The following ANKS1B variants were observed in gnomAD, a reference collection of about 807,000 sequenced individuals.
ANKS1B encodes ankyrin repeat and sterile alpha motif domain containing 1B, also known as ankyrin repeat and sterile alpha motif domain-containing protein 1B.
ANKS1B carries 36 observed loss-of-function variants against 148.3 expected under a neutral mutation model. That is an observed-to-expected ratio of 0.24 (90% confidence interval 0.19 to 0.32). The LOEUF (loss-of-function observed/expected upper bound fraction) is 0.32, where lower values mean the gene tolerates loss of function less well. ANKS1B is among the 10% of genes least tolerant of loss of function. The probability of loss-of-function intolerance (pLI) is 1.00; values close to 1 mark genes in which losing one functional copy is unlikely to be tolerated. For missense variants in ANKS1B, 1,157 were observed against 1,542.6 expected, an observed-to-expected ratio of 0.75 and a Z score of 4.19; for synonymous variants, 542 against 560.8, an observed-to-expected ratio of 0.97 and a Z score of 0.47.
chr12:99,062,110 G>A (rs1409699117), intron 16 of ANKS1B, among the ~76,000 whole-genome samples: 5 of 152,282 alleles, frequency 3.3e-5, no homozygotes, highest in South Asian at 2.1e-4. Flanking sequence ...GGAGACACGC[G>A]GCCTTGGGCA....
intron 12 of ANKS1B, among the ~76,000 whole-genome samples, chr12:99,324,231 G>A (rs894031627): frequency 1.1e-4 from 16 of 152,120 alleles, no homozygotes; most frequent in African/African-American, 3.9e-4. Flanking sequence ...GGTGCCATGT[G>A]CTGTTCTAAG....
At chr12:99,170,465 G>A (rs146745359) in intron 14 of ANKS1B, among the ~76,000 whole-genome samples, 3 of 152,172 alleles carry the variant, frequency 2.0e-5, no homozygotes, top group Non-Finnish European at 2.9e-5. Flanking sequence ...TCTATCTCAT[G>A]GTTTTATTTG....
chr12:99,308,101 G>A (rs2082605545), intron 12 of ANKS1B, among the ~76,000 whole-genome samples: 1 of 151,982 alleles, frequency 6.6e-6, no homozygotes, highest in Non-Finnish European at 1.5e-5. Context: ...ATCTGGACCT[G>A]GAGGTAGCTA....
At chr12:98,917,993 C>T (rs184160268) in intron 17 of ANKS1B, among the ~76,000 whole-genome samples, 222 of 152,252 alleles carry the variant, frequency 1.5e-3, no homozygotes, top group South Asian at 1.9e-3. Flanking sequence ...AGAATGGATA[C>T]AGAAAATAAG....
chr12:99,691,120 G>C (rs1279683237), intron 8 of ANKS1B, among the ~76,000 whole-genome samples: 1 of 152,230 alleles, frequency 6.6e-6, no homozygotes, highest in Non-Finnish European at 1.5e-5. Context: ...GCCCCTTTTA[G>C]CCATGGCTGG....
At chr12:99,497,621 G>T (rs540714286) in intron 10 of ANKS1B, among the ~76,000 whole-genome samples, 2 of 152,056 alleles carry the variant, frequency 1.3e-5, no homozygotes, top group Admixed American at 6.6e-5. Context: ...AAGGATACTG[G>T]TCATATTGGA....
chr12:99,662,220 A>G (rs2098481225), intron 8 of ANKS1B, among the ~76,000 whole-genome samples: 1 of 152,200 alleles, frequency 6.6e-6, no homozygotes, highest in Non-Finnish European at 1.5e-5. Context: ...TGCTTTAGGT[A>G]TAAATATAAT....
At chr12:99,063,785 C>T (rs2043199189) in intron 16 of ANKS1B, among the ~76,000 whole-genome samples, 1 of 152,118 alleles carries the variant, frequency 6.6e-6, no homozygotes, top group Admixed American at 6.6e-5. Flanking sequence ...TATATTCCTT[C>T]TGTGGGAATG....
chr12:99,212,984 C>T (rs1466805568), intron 14 of ANKS1B, among the ~76,000 whole-genome samples: 1 of 152,198 alleles, frequency 6.6e-6, no homozygotes, highest in Non-Finnish European at 1.5e-5. Context: ...AAAGTGAGTA[C>T]CAGCGTCAGG....
chr12:98,978,743 A>G (rs78860888), intron 17 of ANKS1B, among the ~76,000 whole-genome samples: 3,113 of 152,186 alleles, frequency 0.02, 114 homozygotes, highest in African/African-American at 0.071. Context: ...TGCTATTGTG[A>G]TAATACATTT....
At chr12:99,183,789 T>C (rs1199744512) in intron 14 of ANKS1B, among the ~76,000 whole-genome samples, 2 of 152,242 alleles carry the variant, frequency 1.3e-5, no homozygotes, top group African/African-American at 4.8e-5. Context: ...ATAAGGGTTA[T>C]ACGGCATTGA....
chr12:99,142,705 C>G (rs2071381621), intron 15 of ANKS1B, among the ~76,000 whole-genome samples: 1 of 152,014 alleles, frequency 6.6e-6, no homozygotes, highest in Non-Finnish European at 1.5e-5. Context: ...CAATTAATTA[C>G]CAGGAAGTCA....
chr12:99,294,503 T>C lies in ANKS1B; in HGVS notation c.1757-47639A>G, dbSNP rs143441396. 8.3e-4 allele frequency among the ~76,000 whole-genome samples: 126 copies of C among 152,126 alleles called. 4 individuals are homozygous for C. In the South Asian group the frequency reaches 0.021, roughly 25 times the overall value. ...CAATTGAATCCACGGAGACAGAGAA[T>C]AGAATGATGGTTACCAGAGGCTGGG... is the stretch of plus-strand genomic sequence containing the variant. On this transcript the variant is annotated intron_variant, in intron 12 of 26. Coordinates refer to ENST00000683438, the MANE Select transcript of ANKS1B (RefSeq NM_001352186.2).
intron 4 of ANKS1B, among the ~76,000 whole-genome samples, chr12:99,784,126 CT>C (rs1456971270): frequency 6.6e-6 from 1 of 151,570 alleles, no homozygotes; most frequent in African/African-American, 2.4e-5. Context: ...TCACAACCCT[CT>C]TCCAAACCTC....
intron 17 of ANKS1B, among the ~76,000 whole-genome samples, chr12:98,848,898 C>T (rs2099503828): frequency 6.6e-6 from 1 of 152,016 alleles, no homozygotes; most frequent in Admixed American, 6.5e-5. Flanking sequence ...GCCACCACCC[C>T]TGGCTAATTT....
chr12:99,922,273 T>G (rs2094376073), intron 1 of ANKS1B, among the ~76,000 whole-genome samples: 1 of 152,188 alleles, frequency 6.6e-6, no homozygotes, highest in Non-Finnish European at 1.5e-5. Context: ...ATTTAATTGA[T>G]GACTGTTCTC....
intron 9 of ANKS1B, among the ~76,000 whole-genome samples, chr12:99,587,239 C>A (rs975097609): frequency 6.6e-6 from 1 of 152,140 alleles, no homozygotes; most frequent in Admixed American, 6.5e-5. Flanking sequence ...ACTAGGATTA[C>A]CCTGACACTG....
At chr12:99,415,785 G>A (rs1359810709) in intron 11 of ANKS1B, among the ~76,000 whole-genome samples, 6 of 151,914 alleles carry the variant, frequency 3.9e-5, no homozygotes, top group Non-Finnish European at 7.4e-5. Context: ...CCAGGTTCAC[G>A]CCATTTTCCT....
chr12:98,977,182 AT>A (rs2153224516), intron 17 of ANKS1B, among the ~76,000 whole-genome samples: 1 of 152,380 alleles, frequency 6.6e-6, no homozygotes, highest in African/African-American at 2.4e-5. Flanking sequence ...TTGAAAGTGA[AT>A]AAAAATTATT....
Sources: gnomAD v4.1 joint callset for allele counts (sites outside exome capture counted in the v4.1 genomes callset) on GRCh38, gnomAD v4.1.1 for gene constraint, MANE v1.5 for transcripts, NCBI Gene and HGNC (gene_info 2026-07-23, HGNC 2026-07-21) for gene names.